INTS3: variants seen among roughly 807,000 people sequenced by gnomAD.
INTS3 encodes SOSS complex subunit A.
INTS3 carries 34 observed loss-of-function variants against 146.3 expected under a neutral mutation model. That is an observed-to-expected ratio of 0.23 (90% confidence interval 0.18 to 0.31). The LOEUF is 0.31. INTS3 is among the 10% of genes least tolerant of loss of function. The pLI is 1.00. For synonymous variants in INTS3, 475 were observed against 494.9 expected (o/e 0.96, Z 0.53); for missense variants, 757 against 1,304.2 (o/e 0.58, Z 6.46).
intron 20 of INTS3, chr1:153,766,483 G>C (rs187796810): frequency 1.3e-5 from 2 of 151,982 alleles, no homozygotes; most frequent in African/African-American, 4.8e-5. Context: ...TTTTTTTGTA[G>C]AGATGGGGTT....
chr1:153,757,763 G>A lies in INTS3; in HGVS notation c.1149G>A (p.Thr383=), dbSNP rs1296156912. 3 of 1,612,478 alleles carry A rather than the reference G, an allele frequency of 1.9e-6. No individual in the cohort carries two copies. The highest frequency in any genetic ancestry group is 1.7e-6 in the Non-Finnish European group (2 of 1,179,560). Residue 383 remains threonine, a splice_region_variant and synonymous_variant, in exon 10 of 30, where the codon ACG becomes ACA. Coordinates refer to ENST00000318967, the MANE Select transcript of INTS3 (RefSeq NM_023015.5). The surrounding 1 kb of genome is among the most constrained non-coding windows in gnomAD (Gnocchi z 4.0). ...TTGGTTGGCTCCTGACAACGTGCAC[G>A]GTGAGGGCAAAAGATACTGGGTGGT... ...AIIGWLLTTC[T]SNVAASNAKL... is the part of the protein sequence containing the mutation.
At chr1:153,768,858 C>T (rs1287456894) in intron 21 of INTS3, 35 bp from the exon 22 acceptor site, 2 of 1,547,382 alleles carry the variant, frequency 1.3e-6, no homozygotes, top group South Asian at 1.1e-5. Flanking sequence ...CTGAGGAGCC[C>T]ATCCAGGACT....
At chr1:153,743,106 TC>T (rs1671600689) in intron 3 of INTS3, among the ~76,000 whole-genome samples, 1 of 152,214 alleles carries the variant, frequency 6.6e-6, no homozygotes, top group South Asian at 2.1e-4. Context: ...TAGTGACGTA[TC>T]TCCCTAGAGC....
Position 153,772,705 on chromosome 1 carries a change from A to G in INTS3, c.2888A>G (p.Lys963Arg), listed in dbSNP as rs1018180851. The change falls in exon 28 of 30, where the codon AAG (lysine) becomes AGG (arginine). Residue 963 changes from lysine (K) to arginine (R), a missense_variant. Lys to Arg is a conservative substitution (Grantham distance 26). Transcript: ENST00000318967. This position sits in a 1 kb window ranked among gnomAD's most constrained non-coding sequence, Gnocchi z 4.6. ...CAAGCGAGCTGTGACGAAGCCCACAAGATGAAGTGAGGCTCCTGCCACTTT... is the reference window on the plus strand; with the variant it reads ...CAAGCGAGCTGTGACGAAGCCCACAGGATGAAGTGAGGCTCCTGCCACTTT... The part of the protein sequence containing the change: ...HVQASCDEAH[K>R]MKFSDLFSLA... 5.0e-6 allele frequency: 8 copies of G among 1,613,514 alleles called. No homozygotes were observed. Among genetic ancestry groups the G allele is most frequent in the Non-Finnish European group, 5.9e-6 (7 of 1,179,682 alleles).
intron 1 of INTS3, among the ~76,000 whole-genome samples, chr1:153,739,355 G>A (rs145353923): frequency 2.7e-5 from 4 of 150,778 alleles, no homozygotes; most frequent in South Asian, 2.1e-4. Flanking sequence ...GTGAGCCACC[G>A]CGCCCGGCCG....
intron 3 of INTS3, among the ~76,000 whole-genome samples, chr1:153,741,667 A>G (rs754114712): frequency 2.4e-4 from 36 of 152,248 alleles, no homozygotes; most frequent in Non-Finnish European, 4.7e-4. Flanking sequence ...AGGGAATAGA[A>G]GAGAACAATT....
chr1:153,751,255 A>G lies in INTS3; in HGVS notation c.729+16A>G, dbSNP rs764172459. On this transcript the variant is annotated intron_variant, in intron 7 of 29. Transcript: ENST00000318967. Reference sequence around the variant, plus strand: ...TCGGGAACGGGTGAGGGAACAGGACAAAAATAATGTGGGGAAGTGAGACTC... The same window carrying G: ...TCGGGAACGGGTGAGGGAACAGGACGAAAATAATGTGGGGAAGTGAGACTC... 6 of 1,612,936 alleles carry G rather than the reference A, an allele frequency of 3.7e-6. No homozygotes were observed. The highest frequency in any genetic ancestry group is 5.1e-6 in the Non-Finnish European group (6 of 1,179,178).
chr1:153,745,680 G>A (rs1356402287), intron 3 of INTS3, among the ~76,000 whole-genome samples: 2 of 151,930 alleles, frequency 1.3e-5, no homozygotes, highest in African/African-American at 4.8e-5. Flanking sequence ...ACTAAGGGGG[G>A]AAGGGAAGCA....
At chr1:153,735,915 G>T (rs1299878493) in intron 1 of INTS3, among the ~76,000 whole-genome samples, 4 of 152,088 alleles carry the variant, frequency 2.6e-5, no homozygotes, top group Admixed American at 2.6e-4. Context: ...TAGAGATGGG[G>T]TTGGGGGGGT....
At chr1:153,764,609 G>C in intron 18 of INTS3, 81 bp from the exon 19 acceptor site, 2 of 1,020,266 alleles carry the variant, frequency 2.0e-6, no homozygotes, top group Non-Finnish European at 3.1e-6. Context: ...GAGCAGGCTG[G>C]TGTCTAGCCT....
In INTS3 at chr1:153,747,049, G is replaced by T; in HGVS notation, c.411G>T (p.Leu137=). 6.2e-7 allele frequency: 1 copy of T among 1,611,572 alleles called. No homozygotes were observed. The highest frequency in any genetic ancestry group is 1.1e-5 in the South Asian group (1 of 91,018). ...NQILMEKYLK[L]QDTCRTQLVW... ...TACTTATGGAGAAGTACCTGAAGCTGCAGGATACCTGCCGTACTCAGGTAA... is the reference window on the plus strand; with the variant it reads ...TACTTATGGAGAAGTACCTGAAGCTTCAGGATACCTGCCGTACTCAGGTAA... The change falls in exon 4 of 30, where the codon CTG becomes CTT. Residue 137 remains leucine, a synonymous_variant. Transcript: ENST00000318967.
rs916874783 is a variant in INTS3 at position 153,764,927 on chromosome 1, C to G, written c.1971-17C>G. On this transcript the variant is annotated splice_polypyrimidine_tract_variant and intron_variant, in intron 19 of 29. Transcript: ENST00000318967. ...TGGGTAAAGTTCTGTTCCTCTCCTC[C>G]CATGCCCCACCTCCAGGAACCTATG... 1.9e-6 allele frequency: 3 copies of G among 1,614,078 alleles called. No individual in the cohort carries two copies. In the African/African-American group the frequency reaches 4.0e-5, roughly 22 times the overall value.
intron 1 of INTS3, among the ~76,000 whole-genome samples, chr1:153,733,477 CT>C (rs1671168207): frequency 6.6e-6 from 1 of 151,476 alleles, no homozygotes; most frequent in Non-Finnish European, 1.5e-5. Flanking sequence ...TCCCAAAGTG[CT>C]GGGATTACAG....
Position 153,763,304 on chromosome 1 carries a change from T to C in INTS3, c.1708T>C (p.Tyr570His). ...GGAGGAGCCAGTTGATATCACCCCT[T>C]ACCTTGACCAGTTGGATGAGTCCCT... Reference protein sequence around the residue: ...VVEEPVDITPYLDQLDESLRD... With the variant: ...VVEEPVDITPHLDQLDESLRD... Residue 570 changes from tyrosine to histidine, a missense_variant, in exon 16 of 30, where the codon TAC (tyrosine) becomes CAC (histidine). This residue lies in a region of INTS3 where 89 missense variants were observed against 210.9 expected (regional missense o/e 0.42). Coordinates refer to ENST00000318967, the MANE Select transcript of INTS3 (RefSeq NM_023015.5). The C allele has an allele frequency of 6.2e-7, 1 of 1,614,122 alleles. No individual in the cohort carries two copies. Among genetic ancestry groups the C allele is most frequent in the Non-Finnish European group, 8.5e-7 (1 of 1,179,950 alleles).
rs527968886 is a variant in INTS3, at chr1:153,772,019, T to TC, written c.2720+57dup. ...CCATGGCGGTCTGCAGTGATTGCTG[T>TC]CGGTGGTGGTGGTGGTGGTGGTGGT... On this transcript the variant is annotated intron_variant, in intron 26 of 29. Transcript: ENST00000318967. The surrounding 1 kb of genome is among the most constrained non-coding windows in gnomAD (Gnocchi z 4.6). 9.1e-6 allele frequency: 13 copies of TC among 1,433,448 alleles called. No individual in the cohort carries two copies. The African/African-American group carries it at 1.6e-4, about 18-fold the overall frequency. The allele number at this position is 1,433,448 out of a possible 1,614,324, so 88.8% of individuals were successfully genotyped here.
At chr1:153,742,878 C>G (rs574286823) in intron 3 of INTS3, among the ~76,000 whole-genome samples, 1 of 152,360 alleles carries the variant, frequency 6.6e-6, no homozygotes, top group South Asian at 2.1e-4. Context: ...GGTCTCATAG[C>G]TGGTTGACAC....
In INTS3 at chr1:153,741,314, A is replaced by G. The variant is rs1671527654; in HGVS notation, c.264A>G (p.Glu88=). The G allele has an allele frequency of 6.2e-7, 1 of 1,614,082 alleles. No individual in the cohort carries two copies. The highest frequency in any genetic ancestry group is 8.5e-7 in the Non-Finnish European group (1 of 1,179,980). Residue 88 remains glutamate, a synonymous_variant, in exon 3 of 30, where the codon GAA becomes GAG. Coordinates refer to ENST00000318967, the MANE Select transcript of INTS3 (RefSeq NM_023015.5). ...GCAAAGGCCTCCCCCAGCATGAAGA[A>G]ATCTGCCTGGGCCTGTTTACTCTCA... is the stretch of plus-strand genomic sequence containing the variant. ...YVCKGLPQHE[E]ICLGLFTLIL... is the part of the protein sequence containing the mutation.
At chr1:153,746,933 G>C (rs1198338878) in intron 3 of INTS3, 24 bp from the exon 4 acceptor site, 3 of 1,534,480 alleles carry the variant, frequency 2.0e-6, no homozygotes, top group East Asian at 4.5e-5. Flanking sequence ...CTTGCTGGCT[G>C]ATCACAAACT....
At position 153,741,436 on chromosome 1, in the gene INTS3, GT is replaced by G. The variant is rs370370011; in HGVS notation, c.318+71del. 599 of 1,128,770 alleles carry G rather than the reference GT, an allele frequency of 5.3e-4. 2 individuals carry two copies. The African/African-American group carries it at 7.9e-3, about 15-fold the overall frequency. 69.9% of individuals were successfully genotyped at this position (1,128,770 alleles called of 1,614,324 possible). A position where few individuals can be genotyped will look rare whatever the true frequency, so the allele number is the denominator to read the frequency against. ...GATCTGGGATATGGTGGAACTTACA[GT>G]TTAACTGGGGTAGTATGAAACTCTT... On this transcript the variant is annotated intron_variant, in intron 3 of 29. Coordinates refer to ENST00000318967, the MANE Select transcript of INTS3 (RefSeq NM_023015.5).
Sources: allele counts gnomAD v4.1 joint callset (sites outside exome capture counted in the v4.1 genomes callset), GRCh38; gene constraint gnomAD v4.1.1; regional missense constraint gnomAD v4.1.1; non-coding constraint Gnocchi (gnomAD v3.1); transcripts MANE v1.5; gene names NCBI Gene and HGNC (gene_info 2026-07-23, HGNC 2026-07-21).